KCNMA1: variants seen among roughly 807,000 people sequenced by gnomAD.
KCNMA1 encodes the protein Calcium-activated potassium channel subunit alpha-1.
A neutral mutation model predicts 140.0 loss-of-function variants in KCNMA1; 29 were observed. That is an observed-to-expected ratio of 0.21 (90% confidence interval 0.15 to 0.28). The LOEUF is 0.28. Among genes scored for constraint, KCNMA1 ranks in the 10% least tolerant of loss-of-function variants. The pLI, the probability that KCNMA1 is intolerant of heterozygous loss-of-function variation, is 1.00. For synonymous variants in KCNMA1, 612 were observed against 611.9 expected (o/e 1.00, Z 0.00); for missense variants, 880 against 1,602.2 (o/e 0.55, Z 7.70).
chr10:77,291,758 A>G (rs907719686), intron 2 of KCNMA1, among the ~76,000 whole-genome samples: 1 of 152,202 alleles, frequency 6.6e-6, no homozygotes, highest in Non-Finnish European at 1.5e-5. Flanking sequence ...AACATTTTCA[A>G]GTGCCTCATA....
chr10:77,036,819 T>G (rs377411296), intron 15 of KCNMA1, among the ~76,000 whole-genome samples: 2 of 152,338 alleles, frequency 1.3e-5, no homozygotes, highest in East Asian at 3.9e-4. Context: ...GAGTTATGGC[T>G]TTTCTTTAAT....
At chr10:77,384,338 T>A (rs2095530126) in intron 2 of KCNMA1, among the ~76,000 whole-genome samples, 1 of 152,196 alleles carries the variant, frequency 6.6e-6, no homozygotes, top group Non-Finnish European at 1.5e-5. Flanking sequence ...GGGCAGCATG[T>A]GTGCAGGGTT....
intron 1 of KCNMA1, among the ~76,000 whole-genome samples, chr10:77,500,915 G>A (rs1401287154): frequency 6.6e-6 from 1 of 152,220 alleles, no homozygotes; most frequent in Admixed American, 6.5e-5. Flanking sequence ...GCACAGACTA[G>A]TGTGGTCCCT....
intron 20 of KCNMA1, 75 bp from the exon 21 acceptor site, chr10:76,953,999 A>G (rs1591802002): frequency 1.4e-6 from 2 of 1,477,892 alleles, no homozygotes; most frequent in East Asian, 4.7e-5. Flanking sequence ...CCTGAATTAC[A>G]TCTCAGAGGA....
intron 25 of KCNMA1, among the ~76,000 whole-genome samples, chr10:76,895,479 G>A (rs955666985): frequency 1.3e-5 from 2 of 152,098 alleles, no homozygotes; most frequent in Non-Finnish European, 2.9e-5. Context: ...ATATGAAAAC[G>A]TGTACACAGA....
chr10:77,566,134 G>T (rs1008515501), intron 1 of KCNMA1, among the ~76,000 whole-genome samples: 13 of 152,174 alleles, frequency 8.5e-5, no homozygotes, highest in Admixed American at 5.2e-4. Context: ...GCAAAAATAG[G>T]CTTTGGAAAT....
chr10:76,886,056 C>T lies in KCNMA1; in HGVS notation c.*1210G>A, dbSNP rs1039060899. Reference sequence around the variant, plus strand: ...AGCCAGCACCGCACAGCTGTGCCAACAGTTGAAGGTGGTGGCTGGCTTTTG... The same window carrying T: ...AGCCAGCACCGCACAGCTGTGCCAATAGTTGAAGGTGGTGGCTGGCTTTTG... On this transcript the variant is annotated 3_prime_UTR_variant, in exon 28 of 28. Transcript: ENST00000286628. 2.0e-6 allele frequency: 2 copies of T among 985,330 alleles called. No homozygotes were observed. The highest frequency in any genetic ancestry group is 3.5e-5 in the African/African-American group (2 of 57,250). The allele number at this position is 985,330 out of a possible 1,614,324, so 61.0% of individuals were successfully genotyped here. A position where few individuals can be genotyped will look rare whatever the true frequency, so the allele number is the denominator to read the frequency against.
intron 22 of KCNMA1, among the ~76,000 whole-genome samples, chr10:76,947,286 G>A (rs547960883): frequency 1.3e-5 from 2 of 152,152 alleles, no homozygotes; most frequent in African/African-American, 4.8e-5. Flanking sequence ...GCAGTGAGCC[G>A]AGATCGTGCC....
At chr10:77,248,693 G>T (rs1429225682) in intron 3 of KCNMA1, among the ~76,000 whole-genome samples, 1 of 152,092 alleles carries the variant, frequency 6.6e-6, no homozygotes, top group Non-Finnish European at 1.5e-5. Context: ...CTTTCCATTT[G>T]CATCTTATAT....
At chr10:76,953,283 T>C (rs1195563242) in intron 21 of KCNMA1, among the ~76,000 whole-genome samples, 1 of 152,188 alleles carries the variant, frequency 6.6e-6, no homozygotes, top group Non-Finnish European at 1.5e-5. Context: ...TATAAACCAA[T>C]AACAATACAG....
intron 1 of KCNMA1, among the ~76,000 whole-genome samples, chr10:77,577,300 G>A (rs998409341): frequency 2.6e-5 from 4 of 151,636 alleles, no homozygotes; most frequent in South Asian, 4.2e-4. Context: ...CACTCGCCTC[G>A]GCCTCCCAAA....
chr10:77,632,904 G>A lies in KCNMA1; in HGVS notation c.378+4361C>T, dbSNP rs776881563. Among the ~76,000 whole-genome samples, 58 of 152,240 alleles carry A rather than the reference G, an allele frequency of 3.8e-4. 1 individual carries two copies. The highest frequency in any genetic ancestry group is 6.9e-4 in the Non-Finnish European group (47 of 68,038). ...TCAGTATGCTCTTGGTATAGGTGAT[G>A]TAACCAAAGCTCAACATGGTTGGCA... On this transcript the variant is annotated intron_variant, in intron 1 of 27. Transcript: ENST00000286628.
intron 2 of KCNMA1, among the ~76,000 whole-genome samples, chr10:77,308,757 C>G (rs928244605): frequency 6.6e-6 from 1 of 152,202 alleles, no homozygotes; most frequent in Non-Finnish European, 1.5e-5. Flanking sequence ...TGAGTCTACT[C>G]TGATGTCTGA....
chr10:76,877,966 G>A (rs2032762830), intron 29 of KCNMA1: 2 of 1,474,528 alleles, frequency 1.4e-6, no homozygotes, highest in Admixed American at 3.8e-5. Context: ...AAAGCCTTTG[G>A]AAAGTTCATT....
chr10:77,318,615 C>T (rs2081497670), intron 2 of KCNMA1, among the ~76,000 whole-genome samples: 1 of 152,070 alleles, frequency 6.6e-6, no homozygotes, highest in Non-Finnish European at 1.5e-5. Context: ...TGGTAGGCAC[C>T]CTTTCAATGT....
intron 1 of KCNMA1, among the ~76,000 whole-genome samples, chr10:77,520,831 C>T (rs1226077620): frequency 2.6e-5 from 4 of 152,132 alleles, no homozygotes; most frequent in African/African-American, 7.2e-5. Context: ...AGAGACCTTC[C>T]AGCCTCAGGG....
chr10:77,081,138 C>T (rs1401409631), intron 12 of KCNMA1, among the ~76,000 whole-genome samples: 4 of 152,236 alleles, frequency 2.6e-5, no homozygotes, highest in East Asian at 3.9e-4. Context: ...AGGGGCAGAG[C>T]GCAGATGAAT....
intron 1 of KCNMA1, among the ~76,000 whole-genome samples, chr10:77,569,565 C>T (rs1204740168): frequency 2.6e-5 from 4 of 151,610 alleles, no homozygotes; most frequent in African/African-American, 9.7e-5. Flanking sequence ...CCCTTCCTTA[C>T]ACCTTATACA....
At chr10:77,152,171 G>A (rs1446313483) in intron 5 of KCNMA1, among the ~76,000 whole-genome samples, 1 of 152,254 alleles carries the variant, frequency 6.6e-6, no homozygotes, top group Admixed American at 6.5e-5. Context: ...TACATAGCAG[G>A]TGCTAAATAA....
Sources: gnomAD v4.1 joint callset for allele counts (sites outside exome capture counted in the v4.1 genomes callset) on GRCh38, gnomAD v4.1.1 for gene constraint, MANE v1.5 for transcripts, NCBI Gene and HGNC (gene_info 2026-07-23, HGNC 2026-07-21) for gene names.